Variants in CD99L2 observed in about 807,000 individuals in gnomAD.
CD99L2 encodes the protein CD99 molecule like 2.
CD99L2 carries 24 observed loss-of-function variants against 27.3 expected under a neutral mutation model. The observed-to-expected ratio is 0.88, with a 90% CI of 0.64 to 1.24. The LOEUF (loss-of-function observed/expected upper bound fraction) is 1.24. Ranked by LOEUF, CD99L2 falls within the 50% of genes most tolerant of loss-of-function variation. The probability of loss-of-function intolerance (pLI) is 0.00; values close to 1 mark genes in which losing one functional copy is unlikely to be tolerated. For missense variants in CD99L2, 255 were observed against 221.6 expected, an observed-to-expected ratio of 1.15 and a Z score of -0.96; for synonymous variants, 97 against 87.9, an observed-to-expected ratio of 1.10 and a Z score of -0.58.
chrX:150,788,718 T>A (rs1332128791), intron 7 of CD99L2, among the ~76,000 whole-genome samples: 1 of 111,492 alleles, frequency 9.0e-6, no homozygotes, highest in Non-Finnish European at 1.9e-5. Flanking sequence ...CTGCTCTCAT[T>A]TTTCCCTTCC....
chrX:150,813,689 T>A (rs2046107335), intron 4 of CD99L2, among the ~76,000 whole-genome samples: 1 of 112,296 alleles, frequency 8.9e-6, no homozygotes, highest in Admixed American at 9.4e-5. Context: ...ATGTGGCACA[T>A]GGAAATACAA....
Position 150,781,870 on chromosome X carries a change from C to T in CD99L2, c.497-4388G>A, listed in dbSNP as rs902691849. Among the ~76,000 whole-genome samples the T allele has an allele frequency of 5.7e-4, 64 of 112,019 alleles. 3 individuals are homozygous for T. The highest frequency in any genetic ancestry group is 1.9e-5 in the Non-Finnish European group (1 of 53,136). ...CTGAGAAAGTTGTGAATAAGCCCTG[C>T]GATCAAAGGAAGCGTCAGACCCTCA... On this transcript the variant is annotated intron_variant, in intron 7 of 10. Coordinates refer to ENST00000370377, the MANE Select transcript of CD99L2 (RefSeq NM_031462.4).
At chrX:150,778,687 T>A (rs1336721099) in intron 7 of CD99L2, among the ~76,000 whole-genome samples, 188 of 14,124 alleles carry the variant, frequency 0.013, no homozygotes, top group Admixed American at 0.02. Context: ...AAAAAAAAAA[T>A]ATATATATAT....
At chrX:150,769,346 TTCC>T (rs1232309654) in intron 10 of CD99L2, among the ~76,000 whole-genome samples, 1 of 112,098 alleles carries the variant, frequency 8.9e-6, no homozygotes, top group Non-Finnish European at 1.9e-5. Flanking sequence ...AATGAGCGTG[TTCC>T]TGCCAGCGCT....
rs1179120137 is a variant in CD99L2 at position 150,767,599 on chromosome X, C to T, written c.*1435G>A. The T allele has an allele frequency of 1.8e-5, 2 of 111,680 alleles. No individual in the cohort carries two copies. The highest frequency in any genetic ancestry group is 3.8e-5 in the Non-Finnish European group (2 of 53,090). The allele number at this position is 111,680 out of a possible 1,213,427, so 9.2% of individuals were successfully genotyped here. ...AGATGCATGTGGGGGCTGCAGATTC[C>T]AGTGGTTTCCTTAAGAAACTGGAGT... is the stretch of plus-strand genomic sequence containing the variant. On this transcript the variant is annotated 3_prime_UTR_variant, in exon 11 of 11. Transcript: ENST00000370377.
At chrX:150,852,893 T>C (rs1183209450) in intron 1 of CD99L2, among the ~76,000 whole-genome samples, 1 of 112,374 alleles carries the variant, frequency 8.9e-6, no homozygotes, top group Non-Finnish European at 1.9e-5. Flanking sequence ...CACTTTTTGC[T>C]ATAATTATAA....
chrX:150,771,905 A>G (rs1461932242), intron 9 of CD99L2: 1 of 1,056,512 alleles, frequency 9.5e-7, no homozygotes, highest in Non-Finnish European at 1.3e-6. Context: ...CACTGAGGGC[A>G]AAGGCAAGGG....
At chrX:150,800,798 C>T (rs1232810710) in intron 4 of CD99L2, among the ~76,000 whole-genome samples, 7 of 111,121 alleles carry the variant, frequency 6.3e-5, no homozygotes, top group Admixed American at 2.9e-4. Flanking sequence ...TTTGGGAGGC[C>T]GAGGTGGGTG....
At chrX:150,881,223 T>C (rs2047320142) in intron 1 of CD99L2, among the ~76,000 whole-genome samples, 2 of 111,291 alleles carry the variant, frequency 1.8e-5, no homozygotes, top group Non-Finnish European at 3.8e-5. Flanking sequence ...CTGTCCCGCC[T>C]TGGAAATCCC....
At chrX:150,785,204 G>A (rs2045575548) in intron 7 of CD99L2, among the ~76,000 whole-genome samples, 1 of 110,394 alleles carries the variant, frequency 9.1e-6, no homozygotes. Context: ...TATCTCGTAA[G>A]CAGTGGGGAA....
chrX:150,830,473 G>A (rs963089782), intron 2 of CD99L2, among the ~76,000 whole-genome samples: 42 of 111,130 alleles, frequency 3.8e-4, no homozygotes, highest in African/African-American at 1.3e-3. Flanking sequence ...GATCACTTGA[G>A]CCTAGGAGTT....
At chrX:150,789,163 C>CA (rs1557419645) in intron 7 of CD99L2, among the ~76,000 whole-genome samples, 1 of 103,221 alleles carries the variant, frequency 9.7e-6, no homozygotes, top group Non-Finnish European at 2.0e-5. Context: ...TGCTCTGTCA[C>CA]CCAGGCTGGA....
At chrX:150,780,529 A>G (rs61087235) in intron 7 of CD99L2, among the ~76,000 whole-genome samples, 350 of 112,417 alleles carry the variant, frequency 3.1e-3, no homozygotes, top group African/African-American at 9.0e-3. Context: ...CATAAAAGCT[A>G]TAAACAACCC....
chrX:150,898,636 G>A lies in CD99L2; in HGVS notation c.-48C>T. 2 of 1,042,274 alleles carry A rather than the reference G, an allele frequency of 1.9e-6. No individual in the cohort carries two copies. Among genetic ancestry groups the A allele is most frequent in the Non-Finnish European group, 2.5e-6 (2 of 803,178 alleles). The allele number at this position is 1,042,274 out of a possible 1,213,427, so 85.9% of individuals were successfully genotyped here. ...CCGGAGGAGCACAGTTAGCGCGAGA[G>A]CGCCCGAAGGGGAGGCCGAGGAGGA... On this transcript the variant is annotated 5_prime_UTR_variant, in exon 1 of 11. Coordinates refer to ENST00000370377, the MANE Select transcript of CD99L2 (RefSeq NM_031462.4).
At chrX:150,891,430 G>A (rs2047510300) in intron 1 of CD99L2, among the ~76,000 whole-genome samples, 1 of 111,765 alleles carries the variant, frequency 8.9e-6, no homozygotes, top group African/African-American at 3.3e-5. Flanking sequence ...AGCCAGCAAT[G>A]GCCAGGCGAG....
chrX:150,798,008 C>T (rs2045824078), intron 4 of CD99L2, among the ~76,000 whole-genome samples: 1 of 97,850 alleles, frequency 1.0e-5, no homozygotes, highest in Non-Finnish European at 2.0e-5. Context: ...CACCACTGTA[C>T]TCCAGCATAG....
At chrX:150,795,581 T>TA (rs2045783570) in intron 4 of CD99L2, 95 bp from the exon 5 acceptor site, 1 of 886,066 alleles carries the variant, frequency 1.1e-6, no homozygotes, top group African/African-American at 2.0e-5. Flanking sequence ...TGAATATTCT[T>TA]GTCTTGGTCC....
chrX:150,783,437 C>T (rs1040305159), intron 7 of CD99L2, among the ~76,000 whole-genome samples: 29 of 111,306 alleles, frequency 2.6e-4, no homozygotes, highest in Non-Finnish European at 4.9e-4. Flanking sequence ...AGGGCGTTCA[C>T]GCTTCACACT....
At chrX:150,869,873 ATGGGGAGGGGAGAC>A (rs1206840011) in intron 1 of CD99L2, among the ~76,000 whole-genome samples, 1 of 109,759 alleles carries the variant, frequency 9.1e-6, no homozygotes, top group Non-Finnish European at 1.9e-5. Context: ...TTGGAGGAAG[ATGGGGAGGGGAGAC>A]TGGGGAGGGA....
Sources: gnomAD v4.1 joint callset for allele counts (sites outside exome capture counted in the v4.1 genomes callset) on GRCh38, gnomAD v4.1.1 for gene constraint, MANE v1.5 for transcripts, NCBI Gene and HGNC (gene_info 2026-07-23, HGNC 2026-07-21) for gene names.